Variants in ATL1 observed in about 807,000 individuals in gnomAD.
The protein encoded by ATL1 is atlastin-1.
A neutral mutation model predicts 75.5 loss-of-function variants in ATL1; 31 were observed. The ratio of observed to expected loss-of-function variants is 0.41; its 90% CI spans 0.31 to 0.55. ATL1 has a LOEUF of 0.55. Ranked by LOEUF, ATL1 falls within the 20% of genes least tolerant of loss-of-function variation. The pLI, the probability that ATL1 is intolerant of heterozygous loss-of-function variation, is 0.27. For synonymous variants in ATL1, 226 were observed against 233.3 expected, an observed-to-expected ratio of 0.97 and a Z score of 0.28; for missense variants, 405 against 662.6, an observed-to-expected ratio of 0.61 and a Z score of 4.27.
chr14:50,572,740 A>G (rs187170207), intron 1 of ATL1, among the ~76,000 whole-genome samples: 1 of 152,258 alleles, frequency 6.6e-6, no homozygotes, highest in East Asian at 1.9e-4. Context: ...TTTTTTCTAC[A>G]TAACAATTTT....
Position 50,587,960 on chromosome 14 carries a change from G to A in ATL1, c.164G>A (p.Arg55Gln), listed in dbSNP as rs564832738. The A allele has an allele frequency of 3.0e-5, 48 of 1,614,092 alleles. No individual in the cohort carries two copies. The highest frequency in any genetic ancestry group is 9.3e-5 in the African/African-American group (7 of 75,012). Reference sequence around the variant, plus strand: ...GAGTTAGATGAAACTGCATTAAATCGGATCCTTCTCTCGGAGGCTGTCAGA... The same window carrying A: ...GAGTTAGATGAAACTGCATTAAATCAGATCCTTCTCTCGGAGGCTGTCAGA... ...SFELDETALNRILLSEAVRDK... is the reference protein window; with the variant it reads ...SFELDETALNQILLSEAVRDK... The change falls in exon 2 of 14, where the codon CGG becomes CAG. Residue 55 changes from arginine to glutamine, a missense_variant. This residue lies in a region of ATL1 where 126 missense variants were observed against 172.0 expected (regional missense o/e 0.73). Transcript: ENST00000358385.
At chr14:50,590,850 G>A (rs544975285) in intron 2 of ATL1, 91 bp from the exon 3 acceptor site, 24 of 1,369,100 alleles carry the variant, frequency 1.8e-5, no homozygotes, top group East Asian at 6.9e-5. Flanking sequence ...CTTTTAACTC[G>A]AATTGGAGAG....
chr14:50,540,157 A>G (rs2038542867), intron 1 of ATL1, among the ~76,000 whole-genome samples: 1 of 152,246 alleles, frequency 6.6e-6, no homozygotes, highest in South Asian at 2.1e-4. Flanking sequence ...TGTCAAAGAC[A>G]TGTTTAGCAC....
intron 13 of ATL1, chr14:50,631,959 A>G (rs976582113): frequency 1.1e-5 from 3 of 261,504 alleles, no homozygotes; most frequent in African/African-American, 6.8e-5. Flanking sequence ...GCAAAGTAGA[A>G]GCTCACTGCT....
intron 1 of ATL1, among the ~76,000 whole-genome samples, chr14:50,577,840 C>A (rs1445633959): frequency 6.6e-6 from 1 of 152,054 alleles, no homozygotes; most frequent in African/African-American, 2.4e-5. Flanking sequence ...TACTGCATTT[C>A]TTTTTATTGC....
At position 50,533,888 on chromosome 14, in the gene ATL1, C is replaced by T. The variant is rs183559531; in HGVS notation, c.-140+521C>T. Among the ~76,000 whole-genome samples, 40 of 152,304 alleles carry T rather than the reference C, an allele frequency of 2.6e-4. 1 individual carries two copies. The highest frequency in any genetic ancestry group is 2.3e-3 in the Admixed American group (35 of 15,308). The stretch of plus-strand genomic sequence containing the variant: ...CAGGGCATATATGTATTTTCTTGTG[C>T]TCCACACACAAAGGGCACTTATTTG... On this transcript the variant is annotated intron_variant, in intron 1 of 13. Coordinates refer to the ATL1 transcript ENST00000441560.
intron 6 of ATL1, among the ~76,000 whole-genome samples, chr14:50,604,333 C>T (rs908601684): frequency 6.6e-6 from 1 of 152,030 alleles, no homozygotes; most frequent in African/African-American, 2.4e-5. Flanking sequence ...TATTGTCTTA[C>T]ATTTTAATGT....
At chr14:50,583,856 TGA>T (rs1240260654) in intron 1 of ATL1, among the ~76,000 whole-genome samples, 1 of 152,132 alleles carries the variant, frequency 6.6e-6, no homozygotes, top group Non-Finnish European at 1.5e-5. Flanking sequence ...GGATCAGAAC[TGA>T]GAGCTCAGAA....
intron 1 of ATL1, among the ~76,000 whole-genome samples, chr14:50,577,705 C>A (rs1414104058): frequency 6.6e-6 from 1 of 152,150 alleles, no homozygotes; most frequent in Non-Finnish European, 1.5e-5. Context: ...AATCTACTTT[C>A]TGTTTCTATA....
chr14:50,552,481 A>G (rs2038714758), intron 1 of ATL1, among the ~76,000 whole-genome samples: 1 of 152,180 alleles, frequency 6.6e-6, no homozygotes, highest in South Asian at 2.1e-4. Context: ...CCATCAAAAT[A>G]CCATCATCAT....
intron 11 of ATL1, among the ~76,000 whole-genome samples, chr14:50,626,447 A>C (rs2039521314): frequency 6.6e-6 from 1 of 152,210 alleles, no homozygotes; most frequent in African/African-American, 2.4e-5. Flanking sequence ...GTGTGGTGCA[A>C]ACAGCAAGAG....
intron 1 of ATL1, among the ~76,000 whole-genome samples, chr14:50,550,159 G>A (rs779705556): frequency 9.2e-5 from 14 of 152,176 alleles, no homozygotes; most frequent in South Asian, 2.1e-4. Context: ...GATGCCTGCT[G>A]GAGTGGTCAT....
intron 6 of ATL1, among the ~76,000 whole-genome samples, chr14:50,612,761 G>T (rs539650572): frequency 1.3e-5 from 2 of 151,796 alleles, no homozygotes; most frequent in East Asian, 3.9e-4. Context: ...TGGGATGTGG[G>T]GTGCATTTTT....
chr14:50,539,187 A>C (rs2038531075), intron 1 of ATL1, among the ~76,000 whole-genome samples: 1 of 152,266 alleles, frequency 6.6e-6, no homozygotes, highest in Non-Finnish European at 1.5e-5. Flanking sequence ...GGTATCCTGT[A>C]GCATGGAGTG....
chr14:50,595,429 T>C (rs2039205468), intron 5 of ATL1, 147 bp from the exon 6 acceptor site: 1 of 651,780 alleles, frequency 1.5e-6, no homozygotes, highest in Non-Finnish European at 2.6e-6. Context: ...AAATGATTAT[T>C]AGAATCTTCT....
At chr14:50,562,050 C>T (rs2038851744) in intron 1 of ATL1, among the ~76,000 whole-genome samples, 2 of 146,628 alleles carry the variant, frequency 1.4e-5, no homozygotes, top group South Asian at 4.3e-4. Flanking sequence ...TGGCTATAAA[C>T]TTTTTTTTTT....
chr14:50,603,441 T>C (rs1399061037), intron 6 of ATL1, among the ~76,000 whole-genome samples: 1 of 152,200 alleles, frequency 6.6e-6, no homozygotes, highest in East Asian at 1.9e-4. Context: ...CATCAGTCTG[T>C]GCCAGTTTTA....
At chr14:50,613,207 A>C in intron 6 of ATL1, 52 bp from the exon 7 acceptor site, 1 of 1,333,640 alleles carries the variant, frequency 7.5e-7, no homozygotes, top group Non-Finnish European at 1.1e-6. Context: ...CATATAAAGC[A>C]AAGGGAGGCA....
In ATL1 at chr14:50,614,377, CAGGGAA is replaced by C; in HGVS notation, c.729_734del (p.Gly244_Asn245del). 6.2e-7 allele frequency: 1 copy of C among 1,613,982 alleles called. No homozygotes were observed. The highest frequency in any genetic ancestry group is 2.2e-5 in the East Asian group (1 of 44,852). ...CTTCAGAATGATTTACTGCAGGTCT[CAGGGAA>C]CCAGCATGAAGAACTACAGAACGTC... is the stretch of plus-strand genomic sequence containing the variant. On this transcript the variant is annotated inframe_deletion, in exon 8 of 14. Transcript: ENST00000358385.
Sources: gnomAD v4.1 joint callset for allele counts (sites outside exome capture counted in the v4.1 genomes callset) on GRCh38, gnomAD v4.1.1 for gene constraint, gnomAD v4.1.1 regional missense constraint, MANE v1.5 for transcripts, NCBI Gene and HGNC (gene_info 2026-07-23, HGNC 2026-07-21) for gene names.